Variants in AGBL4 observed in about 807,000 individuals in gnomAD.
AGBL4 encodes cytosolic carboxypeptidase 6.
In AGBL4, 58 loss-of-function variants were observed where a neutral mutation model predicts 66.4. The ratio of observed to expected loss-of-function variants is 0.87; its 90% CI spans 0.71 to 1.09. AGBL4 has a LOEUF of 1.09. Among genes scored for constraint, AGBL4 ranks in the 50% least tolerant of loss-of-function variants. AGBL4 has a pLI of 0.00. For synonymous variants in AGBL4, 234 were observed against 222.9 expected, an observed-to-expected ratio of 1.05 and a Z score of -0.44; for missense variants, 579 against 631.0, an observed-to-expected ratio of 0.92 and a Z score of 0.88.
intron 5 of AGBL4, among the ~76,000 whole-genome samples, chr1:48,910,258 C>T (rs1652971993): frequency 6.6e-6 from 1 of 152,218 alleles, no homozygotes; most frequent in Non-Finnish European, 1.5e-5. Context: ...TCACTGTTCT[C>T]ACTTGACGTG....
At chr1:48,833,917 G>A (rs768789404) in intron 6 of AGBL4, among the ~76,000 whole-genome samples, 5 of 152,202 alleles carry the variant, frequency 3.3e-5, no homozygotes, top group Non-Finnish European at 7.3e-5. Context: ...GACAGGGCTA[G>A]TTCCTTTTCC....
chr1:48,677,062 C>T (rs1344188281), intron 6 of AGBL4, among the ~76,000 whole-genome samples: 1 of 152,170 alleles, frequency 6.6e-6, no homozygotes, highest in Non-Finnish European at 1.5e-5. Flanking sequence ...AGTTCTAAAA[C>T]ACTTAAGCTC....
chr1:49,465,480 T>C (rs1646611197), intron 3 of AGBL4, among the ~76,000 whole-genome samples: 1 of 151,770 alleles, frequency 6.6e-6, no homozygotes, highest in Non-Finnish European at 1.5e-5. Context: ...ATAGAATCTG[T>C]CCTCTCCCTA....
chr1:49,208,854 C>T (rs1033343661), intron 4 of AGBL4, among the ~76,000 whole-genome samples: 5 of 151,970 alleles, frequency 3.3e-5, no homozygotes, highest in Admixed American at 1.3e-4. Flanking sequence ...CAGCTCTTAC[C>T]GGAACCACAC....
intron 5 of AGBL4, among the ~76,000 whole-genome samples, chr1:48,878,639 G>A (rs1311990703): frequency 6.6e-6 from 1 of 152,080 alleles, no homozygotes; most frequent in African/African-American, 2.4e-5. Flanking sequence ...TGAGTCATCT[G>A]ACTGTGAGCT....
At chr1:49,119,430 T>C (rs897592438) in intron 4 of AGBL4, among the ~76,000 whole-genome samples, 30 of 152,342 alleles carry the variant, frequency 2.0e-4, no homozygotes, top group African/African-American at 6.5e-4. Flanking sequence ...AGAACATCTT[T>C]ATTTCTGCCT....
intron 5 of AGBL4, among the ~76,000 whole-genome samples, chr1:48,882,784 C>T (rs1190733781): frequency 1.3e-5 from 2 of 152,156 alleles, no homozygotes; most frequent in Non-Finnish European, 1.5e-5. Flanking sequence ...CCCCCATCCC[C>T]AGCCTCTGGC....
chr1:49,725,578 C>A (rs1477576118), intron 2 of AGBL4, among the ~76,000 whole-genome samples: 2 of 151,874 alleles, frequency 1.3e-5, no homozygotes, highest in Admixed American at 6.6e-5. Context: ...TCTCATATAC[C>A]TGTTCTTATG....
At chr1:48,879,773 A>C (rs751245658) in intron 5 of AGBL4, among the ~76,000 whole-genome samples, 4 of 152,126 alleles carry the variant, frequency 2.6e-5, no homozygotes, top group African/African-American at 4.8e-5. Context: ...AAGTTAATTA[A>C]ATTGCCCAAG....
chr1:48,764,688 G>A (rs1241508733), intron 6 of AGBL4, among the ~76,000 whole-genome samples: 2 of 152,184 alleles, frequency 1.3e-5, no homozygotes, highest in Non-Finnish European at 2.9e-5. Context: ...CAGTTCTGTC[G>A]CTTTGTAGGT....
intron 6 of AGBL4, among the ~76,000 whole-genome samples, chr1:48,782,202 G>A (rs1557990432): frequency 1.3e-5 from 2 of 152,314 alleles, no homozygotes; most frequent in South Asian, 4.1e-4. Flanking sequence ...CCCCTCCCCC[G>A]ACTCTCTTTT....
intron 3 of AGBL4, among the ~76,000 whole-genome samples, chr1:49,274,538 A>G (rs1340654963): frequency 6.6e-6 from 1 of 152,134 alleles, no homozygotes; most frequent in East Asian, 1.9e-4. Flanking sequence ...GTCAATTGTT[A>G]TGATTATTCT....
At chr1:49,690,657 A>G (rs1244005431) in intron 3 of AGBL4, among the ~76,000 whole-genome samples, 2 of 152,208 alleles carry the variant, frequency 1.3e-5, no homozygotes, top group African/African-American at 4.8e-5. Flanking sequence ...AACACTACTT[A>G]TGACATTGAA....
At chr1:48,641,814 C>T (rs889083533) in intron 8 of AGBL4, among the ~76,000 whole-genome samples, 3 of 152,098 alleles carry the variant, frequency 2.0e-5, no homozygotes, top group African/African-American at 7.2e-5. Context: ...TCTTAGCCAC[C>T]ATTATACTCT....
intron 5 of AGBL4, among the ~76,000 whole-genome samples, chr1:48,919,188 A>G (rs928607224): frequency 1.3e-5 from 2 of 152,190 alleles, no homozygotes; most frequent in African/African-American, 4.8e-5. Flanking sequence ...GGGATGAACT[A>G]TCTCAGTGGT....
intron 1 of AGBL4, among the ~76,000 whole-genome samples, chr1:49,856,782 C>T (rs891159031): frequency 3.3e-5 from 5 of 151,978 alleles, no homozygotes; most frequent in African/African-American, 9.6e-5. Context: ...ATACTGAATA[C>T]GAAAAATCTC....
intron 4 of AGBL4, among the ~76,000 whole-genome samples, chr1:49,195,686 G>C (rs1229421810): frequency 2.0e-5 from 3 of 152,204 alleles, no homozygotes; most frequent in East Asian, 3.9e-4. Context: ...CTTGTATCTA[G>C]ATATCTAAAT....
At chr1:49,524,247 C>G (rs1650487389) in intron 3 of AGBL4, among the ~76,000 whole-genome samples, 1 of 152,074 alleles carries the variant, frequency 6.6e-6, no homozygotes, top group African/African-American at 2.4e-5. Flanking sequence ...TTCTGTTCTA[C>G]ATACATTAAT....
chr1:48,889,989 C>CGTGTGTGTGTGTGT (rs10557498), intron 5 of AGBL4, among the ~76,000 whole-genome samples: 1 of 148,648 alleles, frequency 6.7e-6, no homozygotes, highest in African/African-American at 2.5e-5. Flanking sequence ...AGCCTGCTTG[C>CGTGTGTGTGTGTGT]GTGTGTGTGT....
Sources: allele counts gnomAD v4.1 joint callset (sites outside exome capture counted in the v4.1 genomes callset), GRCh38; gene constraint gnomAD v4.1.1; transcripts MANE v1.5; gene names NCBI Gene and HGNC (gene_info 2026-07-23, HGNC 2026-07-21).